PPP3CA: variants seen among roughly 807,000 people sequenced by gnomAD.
PPP3CA encodes the protein CAM-PRP catalytic subunit.
Under a neutral mutation model 66.5 loss-of-function variants are expected in PPP3CA, and 14 were observed. The observed-to-expected ratio is 0.21, with a 90% CI of 0.14 to 0.33. The LOEUF (loss-of-function observed/expected upper bound fraction) is 0.33, where lower values mean the gene tolerates loss of function less well. Ranked by LOEUF, PPP3CA falls within the 10% of genes least tolerant of loss-of-function variation. The pLI is 1.00. For synonymous variants in PPP3CA, 232 were observed against 226.2 expected, an observed-to-expected ratio of 1.03 and a Z score of -0.23; for missense variants, 317 against 639.5, an observed-to-expected ratio of 0.50 and a Z score of 5.44.
intron 6 of PPP3CA, among the ~76,000 whole-genome samples, chr4:101,087,074 C>T (rs1311799973): frequency 2.0e-5 from 3 of 152,140 alleles, no homozygotes. Flanking sequence ...GAAGACCCTG[C>T]CTGATTGTTC....
intron 10 of PPP3CA, among the ~76,000 whole-genome samples, chr4:101,042,943 A>G (rs1388066010): frequency 3.3e-5 from 5 of 151,994 alleles, no homozygotes; most frequent in Non-Finnish European, 7.4e-5. Context: ...TCTATGTTTA[A>G]AATTCCCTAC....
chr4:101,085,543 T>C (rs752151585), intron 6 of PPP3CA, among the ~76,000 whole-genome samples: 2 of 152,144 alleles, frequency 1.3e-5, no homozygotes, highest in South Asian at 4.1e-4. Context: ...GTGAGGAGTA[T>C]TTGCATTATT....
intron 1 of PPP3CA, among the ~76,000 whole-genome samples, chr4:101,221,906 T>C (rs1327826204): frequency 6.6e-6 from 1 of 151,600 alleles, no homozygotes; most frequent in Non-Finnish European, 1.5e-5. Context: ...TTCACACGTG[T>C]TCTTTCTTAT....
chr4:101,046,056 C>G (rs1169126933), intron 10 of PPP3CA, among the ~76,000 whole-genome samples: 1 of 152,118 alleles, frequency 6.6e-6, no homozygotes, highest in Non-Finnish European at 1.5e-5. Flanking sequence ...CTGCCCTGCC[C>G]TTCCTTTATG....
At chr4:101,275,580 C>T (rs1432818567) in intron 1 of PPP3CA, among the ~76,000 whole-genome samples, 1 of 152,162 alleles carries the variant, frequency 6.6e-6, no homozygotes, top group East Asian at 1.9e-4. Flanking sequence ...CAACAAATGA[C>T]TTCAACATAC....
At chr4:101,248,652 G>A (rs1726569361) in intron 1 of PPP3CA, among the ~76,000 whole-genome samples, 1 of 152,066 alleles carries the variant, frequency 6.6e-6, no homozygotes, top group Non-Finnish European at 1.5e-5. Context: ...AATATGTGCT[G>A]GATTACCTTT....
chr4:101,079,635 T>C (rs1332124675), intron 8 of PPP3CA, among the ~76,000 whole-genome samples: 1 of 152,126 alleles, frequency 6.6e-6, no homozygotes, highest in African/African-American at 2.4e-5. Context: ...TTTCTCTTAA[T>C]CTCAGAAAGC....
intron 1 of PPP3CA, among the ~76,000 whole-genome samples, chr4:101,196,920 C>A (rs546333419): frequency 1.2e-4 from 18 of 152,300 alleles, no homozygotes; most frequent in African/African-American, 4.3e-4. Context: ...CGCCAGAGGA[C>A]ATTCACTAAA....
At position 101,080,512 on chromosome 4, in the gene PPP3CA, A is replaced by T; in HGVS notation, c.955+20T>A. The T allele has an allele frequency of 1.6e-6, 2 of 1,271,968 alleles. No individual in the cohort carries two copies. Among genetic ancestry groups the T allele is most frequent in the African/African-American group, 1.5e-5 (1 of 68,226 alleles). 78.8% of individuals were successfully genotyped at this position (1,271,968 alleles called of 1,614,324 possible). A position where few individuals can be genotyped will look rare whatever the true frequency, so the allele number is the denominator to read the frequency against. ...TACACATATTATGTAAGACTGCAAGAGGTATTTAAAAACACTTACCTTTGT... is the reference window on the plus strand; with the variant it reads ...TACACATATTATGTAAGACTGCAAGTGGTATTTAAAAACACTTACCTTTGT... On this transcript the variant is annotated intron_variant, in intron 8 of 13. Coordinates refer to ENST00000394854, the MANE Select transcript of PPP3CA (RefSeq NM_000944.5).
intron 2 of PPP3CA, among the ~76,000 whole-genome samples, chr4:101,131,236 CA>C (rs1180036351): frequency 9.3e-6 from 1 of 107,986 alleles, no homozygotes; most frequent in Non-Finnish European, 1.7e-5. Flanking sequence ...GACTCCGTCT[CA>C]AAATAAATAA....
Position 101,028,458 on chromosome 4 carries a change from T to C in PPP3CA, c.1369+708A>G, listed in dbSNP as rs192664600. On this transcript the variant is annotated intron_variant, in intron 13 of 13. Transcript: ENST00000394854. ...ATGTCCCCTGCAGCTCCTAGTACAG[T>C]GCCTGGCACAAAGCAGACACTCAGT... 5.9e-4 allele frequency among the ~76,000 whole-genome samples: 90 copies of C among 152,322 alleles called. 1 individual carries two copies. Among genetic ancestry groups the C allele is most frequent in the Middle Eastern group, 3.4e-3 (1 of 294 alleles).
chr4:101,101,559 T>C (rs2110256282), intron 3 of PPP3CA, among the ~76,000 whole-genome samples: 1 of 152,336 alleles, frequency 6.6e-6, no homozygotes, highest in Non-Finnish European at 1.5e-5. Context: ...TTGAAATTGC[T>C]ATTTTGAATA....
chr4:101,289,473 C>T (rs1034202395), intron 1 of PPP3CA, among the ~76,000 whole-genome samples: 14 of 152,224 alleles, frequency 9.2e-5, no homozygotes, highest in East Asian at 3.9e-4. Context: ...TTATGATTTC[C>T]GCTATTCTCT....
At chr4:101,091,821 C>CTAATAA (rs34522517) in intron 6 of PPP3CA, among the ~76,000 whole-genome samples, 2,651 of 138,764 alleles carry the variant, frequency 0.019, 35 homozygotes, top group Admixed American at 0.033. Flanking sequence ...TCTTCAGTAT[C>CTAATAA]TAATAATAAT....
At chr4:101,249,886 C>G (rs1201214888) in intron 1 of PPP3CA, among the ~76,000 whole-genome samples, 1 of 152,032 alleles carries the variant, frequency 6.6e-6, no homozygotes, top group Admixed American at 6.6e-5. Context: ...ACATTTACAA[C>G]ATAATACAAA....
chr4:101,031,172 T>C (rs1726939650), intron 12 of PPP3CA, among the ~76,000 whole-genome samples: 1 of 152,134 alleles, frequency 6.6e-6, no homozygotes, highest in Non-Finnish European at 1.5e-5. Context: ...ACTATATTCA[T>C]GAAGTTGATC....
chr4:101,278,467 G>C (rs981900876), intron 1 of PPP3CA, among the ~76,000 whole-genome samples: 1 of 152,256 alleles, frequency 6.6e-6, no homozygotes, highest in African/African-American at 2.4e-5. Context: ...AATAGCTGCT[G>C]CTCAGAAACA....
chr4:101,026,985 A>G (rs1726684121), intron 13 of PPP3CA, among the ~76,000 whole-genome samples: 1 of 152,244 alleles, frequency 6.6e-6, no homozygotes, highest in Non-Finnish European at 1.5e-5. Flanking sequence ...AGTGGGAATG[A>G]TATTTGATTT....
At chr4:101,207,974 T>A (rs886461208) in intron 1 of PPP3CA, among the ~76,000 whole-genome samples, 10 of 152,130 alleles carry the variant, frequency 6.6e-5, no homozygotes, top group Non-Finnish European at 7.4e-5. Flanking sequence ...GTTCCATAAG[T>A]TTTTCACTAT....
Sources: gnomAD v4.1 joint callset for allele counts (sites outside exome capture counted in the v4.1 genomes callset) on GRCh38, gnomAD v4.1.1 for gene constraint, MANE v1.5 for transcripts, NCBI Gene and HGNC (gene_info 2026-07-23, HGNC 2026-07-21) for gene names.